Variants in PCDH15 observed in about 807,000 individuals in gnomAD.
The protein encoded by PCDH15 is protocadherin related 15, also known as protocadherin-15.
PCDH15 carries 129 observed loss-of-function variants against 178.5 expected under a neutral mutation model. The ratio of observed to expected loss-of-function variants is 0.72; its 90% CI spans 0.63 to 0.84. PCDH15 has a LOEUF of 0.84. Ranked by LOEUF, PCDH15 falls within the 40% of genes least tolerant of loss-of-function variation. The pLI, the probability that PCDH15 is intolerant of heterozygous loss-of-function variation, is 0.00. For missense variants in PCDH15, 2,230 were observed against 2,099.9 expected (o/e 1.06, Z -1.21); for synonymous variants, 800 against 732.0 (o/e 1.09, Z -1.50).
intron 2 of PCDH15, among the ~76,000 whole-genome samples, chr10:55,349,349 A>G (rs1588942055): frequency 6.6e-6 from 1 of 152,288 alleles, no homozygotes; most frequent in East Asian, 1.9e-4. Context: ...AGGCTCAAGA[A>G]AAGAATAGTT....
intron 3 of PCDH15, among the ~76,000 whole-genome samples, chr10:54,886,305 T>C (rs1177481213): frequency 1.3e-5 from 2 of 152,200 alleles, no homozygotes; most frequent in African/African-American, 4.8e-5. Flanking sequence ...ACTTCTTAAA[T>C]TGACTTGTAA....
intron 15 of PCDH15, among the ~76,000 whole-genome samples, chr10:54,113,794 A>C (rs1590547726): frequency 6.6e-6 from 1 of 152,266 alleles, no homozygotes. Flanking sequence ...TATTTGTATT[A>C]GTTTTTTTCA....
intron 1 of PCDH15, among the ~76,000 whole-genome samples, chr10:55,179,718 G>A (rs11004769): frequency 0.47 from 71,536 of 151,444 alleles, 17,212 homozygotes; most frequent in East Asian, 0.68. Context: ...TGTGGGACAA[G>A]AACCTAGAAT....
At chr10:54,573,041 T>C (rs2090024861) in intron 2 of PCDH15, among the ~76,000 whole-genome samples, 1 of 152,144 alleles carries the variant, frequency 6.6e-6, no homozygotes, top group Admixed American at 6.6e-5. Context: ...TTTATATCAA[T>C]ATTTTATTTC....
intron 2 of PCDH15, among the ~76,000 whole-genome samples, chr10:54,528,768 A>G (rs1275570545): frequency 2.6e-5 from 4 of 152,092 alleles, no homozygotes; most frequent in Non-Finnish European, 4.4e-5. Flanking sequence ...AGTGCCTGTC[A>G]ATCAGTAGTG....
intron 2 of PCDH15, among the ~76,000 whole-genome samples, chr10:55,583,916 C>T: frequency 6.6e-6 from 1 of 151,838 alleles, no homozygotes; most frequent in East Asian, 1.9e-4. Flanking sequence ...CTTGCTTTGT[C>T]ACCCAGGCTG....
intron 2 of PCDH15, among the ~76,000 whole-genome samples, chr10:55,356,879 A>G (rs966341944): frequency 6.6e-6 from 1 of 151,964 alleles, no homozygotes; most frequent in Non-Finnish European, 1.5e-5. Context: ...GCATTTAGCT[A>G]TAGTTTTTGG....
chr10:54,794,416 A>G (rs1951757615), intron 1 of PCDH15, among the ~76,000 whole-genome samples: 1 of 151,820 alleles, frequency 6.6e-6, no homozygotes, highest in Admixed American at 6.6e-5. Flanking sequence ...TATGCTATTG[A>G]AAGCTCAGTA....
At chr10:54,355,762 T>C (rs954558715) in intron 5 of PCDH15, among the ~76,000 whole-genome samples, 3 of 151,996 alleles carry the variant, frequency 2.0e-5, no homozygotes, top group Non-Finnish European at 4.4e-5. Flanking sequence ...CAGAAAAAAA[T>C]TGGTTCTCAG....
At chr10:53,812,544 A>C (rs2075909680) in intron 35 of PCDH15, among the ~76,000 whole-genome samples, 3 of 152,084 alleles carry the variant, frequency 2.0e-5, no homozygotes, top group Middle Eastern at 3.2e-3. Context: ...GGAAAAAAAG[A>C]ATTTGTTAGA....
intron 3 of PCDH15, among the ~76,000 whole-genome samples, chr10:54,893,086 C>T (rs10825415): frequency 0.97 from 147,611 of 152,138 alleles, 71,764 homozygotes; most frequent in East Asian, 1. Context: ...ACTATCTACA[C>T]TATTAGACAC....
At chr10:54,132,314 T>C (rs1170949718) in intron 15 of PCDH15, among the ~76,000 whole-genome samples, 1 of 152,170 alleles carries the variant, frequency 6.6e-6, no homozygotes, top group Non-Finnish European at 1.5e-5. Context: ...GTAACACATA[T>C]GCTCATGAAT....
chr10:54,435,469 T>C (rs752272573), intron 3 of PCDH15, among the ~76,000 whole-genome samples: 4 of 152,328 alleles, frequency 2.6e-5, no homozygotes, highest in African/African-American at 7.2e-5. Flanking sequence ...GCCTGGACTA[T>C]ATTGCAGACA....
At position 55,392,939 on chromosome 10, in the gene PCDH15, C is replaced by A. The variant is rs151040751; in HGVS notation, c.-155-226288G>T. Reference sequence around the variant, plus strand: ...ATTATTTTTCTTATTTTTGAGAAATCCATAGCATGCAGCAAGTATCAATCT... The same window carrying A: ...ATTATTTTTCTTATTTTTGAGAAATACATAGCATGCAGCAAGTATCAATCT... On this transcript the variant is annotated intron_variant, in intron 2 of 5. Coordinates refer to the PCDH15 transcript ENST00000613346. 3.8e-3 allele frequency among the ~76,000 whole-genome samples: 567 copies of A among 150,872 alleles called. 4 individuals carry two copies. The highest frequency in any genetic ancestry group is 0.011 in the African/African-American group (471 of 41,116).
chr10:55,328,332 C>T (rs1490117407), intron 2 of PCDH15, among the ~76,000 whole-genome samples: 3 of 151,680 alleles, frequency 2.0e-5, no homozygotes, highest in Non-Finnish European at 3.0e-5. Context: ...TATCATTGAG[C>T]GTACCTACAC....
At chr10:54,586,889 C>A (rs2091507265) in intron 2 of PCDH15, among the ~76,000 whole-genome samples, 1 of 151,984 alleles carries the variant, frequency 6.6e-6, no homozygotes, top group African/African-American at 2.4e-5. Flanking sequence ...CAAATGAATT[C>A]CAAAAGTTTG....
At chr10:54,765,672 A>G (rs571290376) in intron 1 of PCDH15, among the ~76,000 whole-genome samples, 3 of 152,296 alleles carry the variant, frequency 2.0e-5, no homozygotes, top group Admixed American at 6.5e-5. Context: ...TACTTTATAT[A>G]TAACAGCCTG....
At chr10:54,696,187 A>G (rs2095220765) in intron 1 of PCDH15, among the ~76,000 whole-genome samples, 1 of 152,112 alleles carries the variant, frequency 6.6e-6, no homozygotes, top group South Asian at 2.1e-4. Context: ...TAACAACTTT[A>G]TCAGGAGTTT....
At chr10:55,540,397 A>T (rs1476685730) in intron 2 of PCDH15, among the ~76,000 whole-genome samples, 1 of 152,068 alleles carries the variant, frequency 6.6e-6, no homozygotes, top group Non-Finnish European at 1.5e-5. Flanking sequence ...GAGAAATAGA[A>T]TGAAGCAAGT....
Sources: allele counts gnomAD v4.1 joint callset (sites outside exome capture counted in the v4.1 genomes callset), GRCh38; gene constraint gnomAD v4.1.1; transcripts MANE v1.5; gene names NCBI Gene and HGNC (gene_info 2026-07-23, HGNC 2026-07-21).